Variants in DLGAP2 observed in about 807,000 individuals in gnomAD.
The protein encoded by DLGAP2 is disks large-associated protein 2.
DLGAP2 carries 26 observed loss-of-function variants against 100.3 expected under a neutral mutation model. The observed-to-expected ratio is 0.26, with a 90% CI of 0.19 to 0.36. The LOEUF is 0.36. DLGAP2 is among the 10% of genes least tolerant of loss of function. DLGAP2 has a pLI of 1.00. For missense variants in DLGAP2, 1,858 were observed against 1,453.2 expected, an observed-to-expected ratio of 1.28 and a Z score of -4.53; for synonymous variants, 886 against 630.1, an observed-to-expected ratio of 1.41 and a Z score of -6.08.
chr8:1,548,287 T>C (rs1300339730), intron 4 of DLGAP2, among the ~76,000 whole-genome samples: 5 of 151,386 alleles, frequency 3.3e-5, no homozygotes, highest in East Asian at 3.9e-4. Flanking sequence ...TGGCGAAACC[T>C]CGTCTCTACT....
intron 2 of DLGAP2, among the ~76,000 whole-genome samples, chr8:1,172,776 T>C (rs1294979995): frequency 6.6e-6 from 1 of 152,198 alleles, no homozygotes; most frequent in Non-Finnish European, 1.5e-5. Context: ...ATTCTAGTTA[T>C]ACATTCTTCT....
chr8:1,083,306 C>G (rs917230480), intron 2 of DLGAP2, among the ~76,000 whole-genome samples: 6 of 152,196 alleles, frequency 3.9e-5, no homozygotes, highest in East Asian at 1.9e-4. Flanking sequence ...ATGAGCTTTG[C>G]TTTTTAATTC....
chr8:949,446 G>T (rs1041701544), intron 2 of DLGAP2, among the ~76,000 whole-genome samples: 1 of 148,434 alleles, frequency 6.7e-6, no homozygotes, highest in African/African-American at 2.6e-5. Context: ...TGAGGAGGGA[G>T]GGGTCTGCAA....
intron 3 of DLGAP2, among the ~76,000 whole-genome samples, chr8:1,433,521 G>A (rs1406944824): frequency 6.6e-6 from 1 of 152,210 alleles, no homozygotes; most frequent in South Asian, 2.1e-4. Flanking sequence ...GCTGTCTGGT[G>A]AGCCCACCCG....
intron 8 of DLGAP2, among the ~76,000 whole-genome samples, chr8:1,657,092 T>C (rs1798301880): frequency 6.6e-6 from 1 of 152,120 alleles, no homozygotes; most frequent in Non-Finnish European, 1.5e-5. Flanking sequence ...TTGGAATAGG[T>C]ATTTTTTTTT....
intron 2 of DLGAP2, among the ~76,000 whole-genome samples, chr8:1,024,766 A>C (rs1422453042): frequency 6.6e-6 from 1 of 152,134 alleles, no homozygotes; most frequent in Non-Finnish European, 1.5e-5. Context: ...GGTGAAACGG[A>C]CCTTCTTATG....
intron 2 of DLGAP2, among the ~76,000 whole-genome samples, chr8:988,831 C>G (rs1326297440): frequency 6.6e-6 from 1 of 152,188 alleles, no homozygotes; most frequent in Non-Finnish European, 1.5e-5. Context: ...TGCATCATTT[C>G]CAAGCTCCAC....
chr8:1,476,689 GCAGACCCA>G (rs1798939652), intron 3 of DLGAP2, among the ~76,000 whole-genome samples: 2 of 151,232 alleles, frequency 1.3e-5, no homozygotes, highest in Admixed American at 6.6e-5. Flanking sequence ...AGCCCGTTAT[GCAGACCCA>G]CCCTTGATGG....
intron 2 of DLGAP2, among the ~76,000 whole-genome samples, chr8:1,235,532 G>T (rs1227995824): frequency 5.1e-5 from 1 of 19,618 alleles, no homozygotes; most frequent in African/African-American, 1.1e-4. Flanking sequence ...AGAGCATCAT[G>T]TCTAGTTCTC....
At chr8:826,884 C>G (rs1796693993) in intron 1 of DLGAP2, among the ~76,000 whole-genome samples, 1 of 152,150 alleles carries the variant, frequency 6.6e-6, no homozygotes, top group Non-Finnish European at 1.5e-5. Flanking sequence ...CAGCCTCGCA[C>G]CAGTCTTTCT....
chr8:1,324,048 G>C (rs1007234354), intron 3 of DLGAP2, among the ~76,000 whole-genome samples: 10 of 152,180 alleles, frequency 6.6e-5, no homozygotes, highest in African/African-American at 2.2e-4. Flanking sequence ...GGTCTGCTGT[G>C]ATATCCAACC....
intron 2 of DLGAP2, among the ~76,000 whole-genome samples, 191 bp from the exon 3 acceptor site, chr8:1,258,660 A>T (rs1563046824): frequency 6.6e-6 from 1 of 152,222 alleles, no homozygotes; most frequent in Non-Finnish European, 1.5e-5. Context: ...TGCCAAGGGT[A>T]GCTTTTGAAG....
At chr8:1,540,036 C>T (rs531822315) in intron 4 of DLGAP2, among the ~76,000 whole-genome samples, 5 of 152,316 alleles carry the variant, frequency 3.3e-5, no homozygotes, top group African/African-American at 1.2e-4. Flanking sequence ...CCAGACAGGG[C>T]CTCCTCTTGC....
At chr8:1,029,302 C>G (rs148569334) in intron 2 of DLGAP2, among the ~76,000 whole-genome samples, 1 of 152,056 alleles carries the variant, frequency 6.6e-6, no homozygotes, top group Non-Finnish European at 1.5e-5. Context: ...GATATTAGGG[C>G]GAGAAGAGTA....
At chr8:1,246,729 A>G (rs79279744) in intron 2 of DLGAP2, 2 of 152,292 alleles carry the variant, frequency 1.3e-5, no homozygotes, top group Non-Finnish European at 2.9e-5. Flanking sequence ...TGTGTGTGGC[A>G]TCGCCACGCA....
chr8:1,572,221 A>C (rs1411507921), intron 6 of DLGAP2, among the ~76,000 whole-genome samples: 5 of 80,054 alleles, frequency 6.2e-5, no homozygotes, highest in African/African-American at 5.6e-5. Context: ...GGGGCATCTG[A>C]TGAGATGGAG....
At chr8:1,626,423 T>C (rs956272745) in intron 6 of DLGAP2, among the ~76,000 whole-genome samples, 1 of 129,354 alleles carries the variant, frequency 7.7e-6, no homozygotes, top group African/African-American at 3.1e-5. Flanking sequence ...CAGCGGGTGC[T>C]CACCCTCTGG....
intron 3 of DLGAP2, among the ~76,000 whole-genome samples, chr8:1,283,005 C>T (rs1169773496): frequency 4.0e-5 from 5 of 123,910 alleles, no homozygotes; most frequent in Admixed American, 8.7e-5. Context: ...CTGAACCATA[C>T]GGACATGGTG....
At chr8:1,497,942 A>G (rs541544248) in intron 3 of DLGAP2, among the ~76,000 whole-genome samples, 2 of 152,270 alleles carry the variant, frequency 1.3e-5, no homozygotes, top group African/African-American at 4.8e-5. Context: ...CCCTCAGGAG[A>G]TCCTGAGAAC....
Sources: allele counts gnomAD v4.1 joint callset (sites outside exome capture counted in the v4.1 genomes callset), GRCh38; gene constraint gnomAD v4.1.1; transcripts MANE v1.5; gene names NCBI Gene and HGNC (gene_info 2026-07-23, HGNC 2026-07-21).